The following MGMT variants were observed in gnomAD, a reference collection of about 807,000 sequenced individuals.
MGMT encodes O-6-methylguanine-DNA methyltransferase.
A neutral mutation model predicts 15.9 loss-of-function variants in MGMT; 14 were observed. The ratio of observed to expected loss-of-function variants is 0.88; its 90% CI spans 0.58 to 1.37. The LOEUF is 1.37. MGMT is among the 40% of genes most tolerant of loss of function. The pLI is 0.00. For missense variants in MGMT, 282 were observed against 268.1 expected, an observed-to-expected ratio of 1.05 and a Z score of -0.36; for synonymous variants, 130 against 118.2, an observed-to-expected ratio of 1.10 and a Z score of -0.65.
Position 129,618,807 on chromosome 10 carries a change from G to A in MGMT, c.125+82430G>A, listed in dbSNP as rs138760635. 9.8e-3 allele frequency among the ~76,000 whole-genome samples: 540 copies of A among 55,066 alleles called. 3 individuals are homozygous for A. The highest frequency in any genetic ancestry group is 0.02 in the African/African-American group (511 of 25,476). 36.1% of individuals were successfully genotyped at this position (55,066 alleles called of 152,430 possible). Reference sequence around the variant, plus strand: ...CCCAGTATTTCTTTGCTAATGATGAGAATTACAGGAGCTTTCTGTAAATTT... The same window carrying A: ...CCCAGTATTTCTTTGCTAATGATGAAAATTACAGGAGCTTTCTGTAAATTT... On this transcript the variant is annotated intron_variant, in intron 2 of 4. Coordinates refer to ENST00000651593, the MANE Select transcript of MGMT (RefSeq NM_002412.5).
At chr10:129,534,759 G>C (rs1199864865) in intron 1 of MGMT, among the ~76,000 whole-genome samples, 1 of 151,846 alleles carries the variant, frequency 6.6e-6, no homozygotes, top group Non-Finnish European at 1.5e-5. Flanking sequence ...AGAGATTTGG[G>C]ATGCATGTGG....
In MGMT at chr10:129,468,970, G is replaced by C. The variant is rs139268495; in HGVS notation, c.-13+1674G>C. Among the ~76,000 whole-genome samples the C allele has an allele frequency of 6.6e-3, 1,000 of 152,308 alleles. 11 individuals are homozygous for C. The highest frequency in any genetic ancestry group is 0.022 in the African/African-American group (908 of 41,558). On this transcript the variant is annotated intron_variant, in intron 1 of 4. Transcript: ENST00000651593. ...TTTAAAAAGGCTTTGCTGTTAGTAA[G>C]GTTGAAAGAAATAGAGCCCTAGGTA...
intron 2 of MGMT, among the ~76,000 whole-genome samples, chr10:129,692,903 G>A (rs963372278): frequency 3.2e-4 from 49 of 152,348 alleles, no homozygotes; most frequent in African/African-American, 1.1e-3. Context: ...GCTCTCATCC[G>A]TCGTTCCCAG....
At chr10:129,593,553 CA>C (rs752315323) in intron 2 of MGMT, among the ~76,000 whole-genome samples, 1 of 152,204 alleles carries the variant, frequency 6.6e-6, no homozygotes, top group Non-Finnish European at 1.5e-5. Context: ...TTTTAAAAAA[CA>C]CAGTCATATC....
intron 2 of MGMT, among the ~76,000 whole-genome samples, chr10:129,666,117 A>G (rs1847656348): frequency 6.6e-6 from 1 of 152,252 alleles, no homozygotes; most frequent in Non-Finnish European, 1.5e-5. Flanking sequence ...AACAGTGGCA[A>G]GATGGTAAAA....
rs1845941789 is a variant in MGMT at position 129,532,359 on chromosome 10, G to A, written c.-12-3882G>A. On this transcript the variant is annotated intron_variant, in intron 1 of 4. Coordinates refer to ENST00000651593, the MANE Select transcript of MGMT (RefSeq NM_002412.5). This position sits in a 1 kb window ranked among gnomAD's most constrained non-coding sequence, Gnocchi z 5.3. ...CAGGCAGTTCACTTGGCCACACCAG[G>A]TTTGGCTGGAAGCCTTCTCCACCGC... is the stretch of plus-strand genomic sequence containing the variant. Among the ~76,000 whole-genome samples, 1 of 152,210 alleles carries A rather than the reference G, an allele frequency of 6.6e-6. No individual in the cohort carries two copies. Among genetic ancestry groups the A allele is most frequent in the Non-Finnish European group, 1.5e-5 (1 of 68,032 alleles).
chr10:129,579,479 A>G (rs1846527044), intron 2 of MGMT, among the ~76,000 whole-genome samples: 2 of 152,208 alleles, frequency 1.3e-5, no homozygotes, highest in South Asian at 2.1e-4. Context: ...GTCAGGATGT[A>G]TGGGGTTTTC....
intron 2 of MGMT, among the ~76,000 whole-genome samples, chr10:129,640,258 C>T (rs1175651251): frequency 6.6e-6 from 1 of 151,928 alleles, no homozygotes; most frequent in Non-Finnish European, 1.5e-5. Context: ...CCACCATGCC[C>T]ACCTAATTTT....
At chr10:129,507,263 C>T (rs868579832) in intron 1 of MGMT, among the ~76,000 whole-genome samples, 15 of 152,182 alleles carry the variant, frequency 9.9e-5, no homozygotes, top group Admixed American at 3.9e-4. Flanking sequence ...ATCCCATGTC[C>T]TTGGGTTTGG....
chr10:129,522,792 C>A (rs1186776613), intron 1 of MGMT, among the ~76,000 whole-genome samples: 1 of 152,190 alleles, frequency 6.6e-6, no homozygotes, highest in African/African-American at 2.4e-5. Context: ...AGCCAGTGGA[C>A]GAGACTGTCC....
chr10:129,472,913 G>C (rs191351392), intron 1 of MGMT, among the ~76,000 whole-genome samples: 167 of 152,284 alleles, frequency 1.1e-3, no homozygotes, highest in Admixed American at 2.5e-3. Context: ...CTGTAAAGAG[G>C]CTACTGGCTC....
At position 129,734,760 on chromosome 10, in the gene MGMT, T is replaced by G. The variant is rs551574935; in HGVS notation, c.275-24442T>G. ...ATCAATACCTAATTTATTGAGAGTT[T>G]TTAGCATGAAGGGTTGTTGAATTTT... On this transcript the variant is annotated intron_variant, in intron 3 of 4. Transcript: ENST00000651593. Among the ~76,000 whole-genome samples, 38 of 152,306 alleles carry G rather than the reference T, an allele frequency of 2.5e-4. No homozygotes were observed. The South Asian group carries it at 7.7e-3, about 31-fold the overall frequency.
intron 1 of MGMT, among the ~76,000 whole-genome samples, chr10:129,531,677 C>T (rs1434417430): frequency 6.6e-6 from 1 of 151,782 alleles, no homozygotes; most frequent in East Asian, 2.0e-4. Context: ...GCCAAATGCT[C>T]TGGTTGTCTA....
chr10:129,625,042 T>C (rs978191055), intron 2 of MGMT, among the ~76,000 whole-genome samples: 3 of 151,876 alleles, frequency 2.0e-5, no homozygotes, highest in Admixed American at 6.6e-5. Flanking sequence ...TGAAGAAAAA[T>C]GAAATGACAA....
chr10:129,718,320 A>C (rs1564772684), intron 3 of MGMT, among the ~76,000 whole-genome samples: 2 of 152,082 alleles, frequency 1.3e-5, no homozygotes, highest in African/African-American at 4.8e-5. Context: ...TGTGTCGGAG[A>C]CCTGTGGAAT....
chr10:129,744,414 C>T (rs924649328), intron 3 of MGMT, among the ~76,000 whole-genome samples: 11 of 152,238 alleles, frequency 7.2e-5, no homozygotes, highest in Non-Finnish European at 1.3e-4. Flanking sequence ...TCCCTGCCTT[C>T]GGAGTGAGCA....
Position 129,588,104 on chromosome 10 carries a change from G to T in MGMT, c.125+51727G>T, listed in dbSNP as rs144100217. 2.4e-4 allele frequency among the ~76,000 whole-genome samples: 37 copies of T among 152,320 alleles called. No individual in the cohort carries two copies. The East Asian group carries it at 6.4e-3, about 26-fold the overall frequency. The stretch of plus-strand genomic sequence containing the variant: ...TTATTCCCACAACCAAGGCAGGATT[G>T]TAAGAGGAGAGATCATGGCCGGGGA... On this transcript the variant is annotated intron_variant, in intron 2 of 4. Transcript: ENST00000651593.
At chr10:129,763,289 G>C (rs1218402867) in intron 4 of MGMT, among the ~76,000 whole-genome samples, 2 of 152,134 alleles carry the variant, frequency 1.3e-5, no homozygotes, top group Non-Finnish European at 2.9e-5. Flanking sequence ...CTTTGAAAAT[G>C]TCCTTAGGGC....
Position 129,642,115 on chromosome 10 carries a change from C to A in MGMT, c.126-65780C>A, listed in dbSNP as rs61874299. ...CTTGCTCACAGTGAGACCCGACATC[C>A]CCTCCGCTCAGTGGGCATTTCCTAC... On this transcript the variant is annotated intron_variant, in intron 2 of 4. Transcript: ENST00000651593. Among the ~76,000 whole-genome samples the A allele has an allele frequency of 8.5e-4, 130 of 152,270 alleles. 1 individual carries two copies. The highest frequency in any genetic ancestry group is 2.9e-3 in the African/African-American group (119 of 41,554).
Sources: gnomAD v4.1 joint callset for allele counts (sites outside exome capture counted in the v4.1 genomes callset) on GRCh38, gnomAD v4.1.1 for gene constraint, Gnocchi (gnomAD v3.1) non-coding constraint, MANE v1.5 for transcripts, NCBI Gene and HGNC (gene_info 2026-07-23, HGNC 2026-07-21) for gene names.